The following CCDC50 variants were observed in gnomAD, a reference collection of about 807,000 sequenced individuals.
CCDC50 encodes coiled-coil domain containing 50, also known as coiled-coil domain-containing protein 50.
In CCDC50, 54 loss-of-function variants were observed where a neutral mutation model predicts 70.2. The observed-to-expected ratio is 0.77, with a 90% CI of 0.62 to 0.96. The LOEUF (loss-of-function observed/expected upper bound fraction) is 0.96. CCDC50 is among the 50% of genes least tolerant of loss of function. The probability of loss-of-function intolerance (pLI) is 0.00; values close to 1 mark genes in which losing one functional copy is unlikely to be tolerated. For synonymous variants in CCDC50, 216 were observed against 198.8 expected (o/e 1.09, Z -0.73); for missense variants, 558 against 578.7 (o/e 0.96, Z 0.37).
intron 1 of CCDC50, among the ~76,000 whole-genome samples, chr3:191,339,508 A>G (rs1560155162): frequency 6.6e-6 from 1 of 152,128 alleles, no homozygotes; most frequent in Non-Finnish European, 1.5e-5. Context: ...TCCTCTGCAG[A>G]GGGTATTACA....
chr3:191,386,729 G>A (rs1443964078), intron 10 of CCDC50, among the ~76,000 whole-genome samples: 2 of 152,112 alleles, frequency 1.3e-5, no homozygotes, highest in Admixed American at 6.6e-5. Flanking sequence ...TCCCATCTAC[G>A]ATAACCACAC....
At position 191,369,983 on chromosome 3, in the gene CCDC50, C is replaced by A. The variant is rs1489724085; in HGVS notation, c.395C>A (p.Pro132Gln). ...GAGAAAAAGAGAAAGAAACACTTTC[C>A]AGAGTTCCCTGCAACCCGTGCTTAT... ...QEEKKRKKHF[P>Q]EFPATRAYAD... Residue 132 changes from proline to glutamine, a missense_variant, in exon 5 of 12, where the codon CCA becomes CAA. Physicochemically the swap from Pro to Gln is moderately conservative, Grantham distance 76. Transcript: ENST00000392455. 1 of 1,613,522 alleles carries A rather than the reference C, an allele frequency of 6.2e-7. No homozygotes were observed. Among genetic ancestry groups the A allele is most frequent in the Non-Finnish European group, 8.5e-7 (1 of 1,179,638 alleles).
intron 4 of CCDC50, among the ~76,000 whole-genome samples, chr3:191,369,381 C>G (rs77444617): frequency 0.011 from 1,679 of 151,924 alleles, 27 homozygotes; most frequent in African/African-American, 0.039. Flanking sequence ...ATCATTCTGT[C>G]CCTCACAGTG....
At chr3:191,377,196 G>A (rs4677731) in intron 6 of CCDC50, among the ~76,000 whole-genome samples, 9,038 of 152,024 alleles carry the variant, frequency 0.059, 488 homozygotes, top group East Asian at 0.25. Flanking sequence ...TCTAGCCCCC[G>A]TAGGCATTTG....
chr3:191,329,785 G>T, intron 1 of CCDC50, 62 bp downstream of exon 1: 4 of 1,556,026 alleles, frequency 2.6e-6, no homozygotes, highest in Admixed American at 1.9e-5. Context: ...GGTTCTCTCA[G>T]GTCAGGGGCG....
rs1406619055 is a variant in CCDC50 at position 191,348,884 on chromosome 3, A to G, written c.50-8204A>G. Among the ~76,000 whole-genome samples the G allele has an allele frequency of 3.5e-5, 5 of 142,536 alleles. No individual in the cohort carries two copies. In the East Asian group the frequency reaches 9.6e-4, roughly 27 times the overall value. The allele number at this position is 142,536 out of a possible 152,430, so 93.5% of individuals were successfully genotyped here. A position where few individuals can be genotyped will look rare whatever the true frequency, so the allele number is the denominator to read the frequency against. ...TTGTGTTACCCTTTGTTCTGTAGTA[A>G]ATGAATTGCTCACGTATTACTTAAG... On this transcript the variant is annotated intron_variant, in intron 1 of 11. Transcript: ENST00000392455.
chr3:191,376,271 T>C (rs1576969833), intron 6 of CCDC50, among the ~76,000 whole-genome samples: 1 of 152,304 alleles, frequency 6.6e-6, no homozygotes. Flanking sequence ...TAAGTTACTT[T>C]TTATGCTGTA....
chr3:191,329,898 C>T (rs1308681429), intron 1 of CCDC50, among the ~76,000 whole-genome samples, 175 bp downstream of exon 1: 1 of 131,700 alleles, frequency 7.6e-6, no homozygotes, highest in Non-Finnish European at 1.5e-5. Context: ...GGACGTTGGG[C>T]AAGTCTCCGA....
chr3:191,382,072 T>C (rs1324862717), intron 9 of CCDC50, among the ~76,000 whole-genome samples: 2 of 152,180 alleles, frequency 1.3e-5, no homozygotes, highest in Non-Finnish European at 2.9e-5. Context: ...CAAATACTTT[T>C]GTTAAATAAA....
intron 10 of CCDC50, among the ~76,000 whole-genome samples, chr3:191,387,013 G>A (rs1713519619): frequency 6.6e-6 from 1 of 151,968 alleles, no homozygotes; most frequent in South Asian, 2.1e-4. Context: ...TTTATTCCTT[G>A]TGCATTCTTA....
intron 1 of CCDC50, among the ~76,000 whole-genome samples, chr3:191,333,071 G>T (rs1448869850): frequency 3.9e-5 from 6 of 151,904 alleles, no homozygotes; most frequent in African/African-American, 7.3e-5. Flanking sequence ...ACATTCTTTA[G>T]GTGGAAAGTT....
At chr3:191,331,933 C>A (rs946008937) in intron 1 of CCDC50, among the ~76,000 whole-genome samples, 2 of 152,166 alleles carry the variant, frequency 1.3e-5, no homozygotes, top group African/African-American at 4.8e-5. Context: ...TATTCTGATG[C>A]AGATTTTTGA....
chr3:191,329,920 C>A (rs1717896055), intron 1 of CCDC50, among the ~76,000 whole-genome samples, 197 bp downstream of exon 1: 1 of 115,324 alleles, frequency 8.7e-6, no homozygotes, highest in Non-Finnish European at 1.6e-5. Flanking sequence ...GTTCCAAGCC[C>A]GTTTTTTCTC....
intron 1 of CCDC50, among the ~76,000 whole-genome samples, chr3:191,351,118 T>G (rs1441892105): frequency 7.0e-6 from 1 of 142,092 alleles, no homozygotes; most frequent in African/African-American, 2.5e-5. Context: ...GAAACAGTCT[T>G]TAAAAAGAAT....
chr3:191,389,589 G>C lies in CCDC50; in HGVS notation c.1416G>C (p.Glu472Asp). ...CCACACGGCATTTCTCAAAATCAGA[G>C]TCCTCTCATAAAGGTAAGAAGAGTA... ...QSSTRHFSKS[E>D]SSHKGFHYKH is the part of the protein sequence containing the mutation. Residue 472 changes from glutamate to aspartate, a missense_variant, in exon 11 of 12, where the codon GAG becomes GAC. Transcript: ENST00000392455. 6.2e-7 allele frequency: 1 copy of C among 1,612,722 alleles called. No homozygotes were observed. The highest frequency in any genetic ancestry group is 1.7e-5 in the Admixed American group (1 of 60,016).
intron 1 of CCDC50, among the ~76,000 whole-genome samples, chr3:191,342,066 T>G (rs1711750921): frequency 6.6e-6 from 1 of 152,236 alleles, no homozygotes; most frequent in African/African-American, 2.4e-5. Context: ...AACACATTTT[T>G]AGTCAGTGAA....
intron 10 of CCDC50, among the ~76,000 whole-genome samples, chr3:191,384,283 G>T (rs1048619209): frequency 6.6e-6 from 1 of 152,046 alleles, no homozygotes; most frequent in East Asian, 1.9e-4. Flanking sequence ...TAGCAGGATT[G>T]TATATATGAC....
At chr3:191,329,941 T>TGG (rs201807267) in intron 1 of CCDC50, among the ~76,000 whole-genome samples, 159 of 5,340 alleles carry the variant, frequency 0.03, 2 homozygotes, top group South Asian at 0.1. Context: ...AAGGGGGTGG[T>TGG]TGGGGGGGGG....
intron 1 of CCDC50, among the ~76,000 whole-genome samples, chr3:191,334,675 C>T (rs1718085929): frequency 6.6e-6 from 1 of 152,104 alleles, no homozygotes; most frequent in African/African-American, 2.4e-5. Context: ...TTCTTTTTAC[C>T]TACCTTCTCT....
Sources: gnomAD v4.1 joint callset for allele counts (sites outside exome capture counted in the v4.1 genomes callset) on GRCh38, gnomAD v4.1.1 for gene constraint, MANE v1.5 for transcripts, NCBI Gene and HGNC (gene_info 2026-07-23, HGNC 2026-07-21) for gene names.